The following TENM1 variants were observed in gnomAD, a reference collection of about 807,000 sequenced individuals.
TENM1 encodes teneurin transmembrane protein 1, also known as teneurin-1.
In TENM1, 35 loss-of-function variants were observed where a neutral mutation model predicts 174.8. That is an observed-to-expected ratio of 0.20 (90% CI 0.15 to 0.27). The LOEUF (loss-of-function observed/expected upper bound fraction) is 0.27. Ranked by LOEUF, TENM1 falls within the 10% of genes least tolerant of loss-of-function variation. The pLI, the probability that TENM1 is intolerant of heterozygous loss-of-function variation, is 1.00. For synonymous variants in TENM1, 781 were observed against 798.7 expected (o/e 0.98, Z 0.37); for missense variants, 1,633 against 2,130.1 (o/e 0.77, Z 4.59).
At chrX:124,630,453 G>A (rs904329700) in intron 11 of TENM1, among the ~76,000 whole-genome samples, 1 of 112,126 alleles carries the variant, frequency 8.9e-6, no homozygotes, top group African/African-American at 3.2e-5. Context: ...CCATACCTTA[G>A]TAGACTACAT....
At chrX:124,427,032 G>A (rs1290260989) in intron 23 of TENM1, among the ~76,000 whole-genome samples, 1 of 111,813 alleles carries the variant, frequency 8.9e-6, no homozygotes, top group East Asian at 2.8e-4. Flanking sequence ...CTGGTCCTAC[G>A]GAGCATAGTC....
intron 22 of TENM1, among the ~76,000 whole-genome samples, chrX:124,468,478 G>A (rs1481764891): frequency 3.6e-5 from 4 of 112,318 alleles, no homozygotes; most frequent in African/African-American, 9.7e-5. Flanking sequence ...GCCCGCGCCC[G>A]GCACATATCT....
chrX:124,673,566 G>A (rs191248052), intron 5 of TENM1, among the ~76,000 whole-genome samples: 1 of 111,733 alleles, frequency 8.9e-6, no homozygotes, highest in East Asian at 2.8e-4. Flanking sequence ...CAATTGGGAT[G>A]GCATTGCAAT....
intron 6 of TENM1, among the ~76,000 whole-genome samples, chrX:124,656,229 C>G (rs1363911657): frequency 8.9e-6 from 1 of 111,839 alleles, no homozygotes; most frequent in African/African-American, 3.2e-5. Flanking sequence ...ATATTAAAAC[C>G]TTACCAAATA....
intron 3 of TENM1, among the ~76,000 whole-genome samples, chrX:124,874,157 G>A (rs2057157592): frequency 1.8e-5 from 2 of 111,306 alleles, no homozygotes; most frequent in African/African-American, 6.5e-5. Context: ...GAAACTGCTG[G>A]ATCAAAGAAG....
chrX:124,857,881 A>G (rs1453066941), intron 3 of TENM1, among the ~76,000 whole-genome samples: 2 of 111,082 alleles, frequency 1.8e-5, no homozygotes, highest in Non-Finnish European at 3.8e-5. Flanking sequence ...ATACACATGC[A>G]CAAATATAGA....
At chrX:124,656,939 C>A (rs778953857) in intron 6 of TENM1, among the ~76,000 whole-genome samples, 90 of 109,927 alleles carry the variant, frequency 8.2e-4, no homozygotes, top group African/African-American at 2.7e-3. Flanking sequence ...TATTGTAAAA[C>A]CCTGTCTCCA....
the TENM1 span, among the ~76,000 whole-genome samples, chrX:125,004,912 C>G: frequency 6.6e-3 from 734 of 110,683 alleles, 2 homozygotes; most frequent in Non-Finnish European, 9.4e-3. Context: ...TGCTTTTACA[C>G]AAGAACGTTT....
At chrX:124,397,868 C>T (rs1231677113) in intron 27 of TENM1, among the ~76,000 whole-genome samples, 2 of 108,899 alleles carry the variant, frequency 1.8e-5, no homozygotes, top group Non-Finnish European at 3.8e-5. Flanking sequence ...CCTGGGATTA[C>T]AGGTGTGAGC....
chrX:125,182,930 T>G, the TENM1 span, among the ~76,000 whole-genome samples: 1 of 112,068 alleles, frequency 8.9e-6, no homozygotes, highest in African/African-American at 3.2e-5. Context: ...AAAAATCAAT[T>G]TAAAATAGAT....
chrX:125,138,848 G>T, the TENM1 span, among the ~76,000 whole-genome samples: 1 of 110,492 alleles, frequency 9.1e-6, no homozygotes, highest in African/African-American at 3.3e-5. Context: ...TGAATGGTAG[G>T]TGTGGGGACT....
intron 3 of TENM1, among the ~76,000 whole-genome samples, chrX:124,751,559 T>C (rs1457394196): frequency 1.8e-5 from 2 of 109,687 alleles, no homozygotes; most frequent in Non-Finnish European, 3.8e-5. Context: ...GTTACATATG[T>C]ATATATGTGC....
chrX:125,006,201 T>C, the TENM1 span, among the ~76,000 whole-genome samples: 2 of 111,900 alleles, frequency 1.8e-5, no homozygotes, highest in African/African-American at 6.5e-5. Flanking sequence ...ACCACCATTA[T>C]TGTAGCTTTA....
At chrX:124,973,593 G>GTAAT in the TENM1 span, among the ~76,000 whole-genome samples, 1 of 111,177 alleles carries the variant, frequency 9.0e-6, no homozygotes, top group Admixed American at 9.7e-5. Flanking sequence ...GCAGTGGTTT[G>GTAAT]TAATTCTCCT....
At position 124,727,301 on chromosome X, in the gene TENM1, G is replaced by C. The variant is rs774227606; in HGVS notation, c.776+9656C>G. ...AGATTCATTTTGGTAAATAGATCAT[G>C]ATTACTATCCATTATCATCATTCTG... On this transcript the variant is annotated intron_variant, in intron 4 of 31. Transcript: ENST00000422452. 1.6e-4 allele frequency among the ~76,000 whole-genome samples: 18 copies of C among 112,124 alleles called. No individual in the cohort carries two copies. The South Asian group carries it at 6.3e-3, about 39-fold the overall frequency.
At chrX:125,030,335 T>C in the TENM1 span, among the ~76,000 whole-genome samples, 1 of 112,155 alleles carries the variant, frequency 8.9e-6, no homozygotes, top group Non-Finnish European at 1.9e-5. Context: ...CTGTGCTCCA[T>C]AAATTTGTTT....
At chrX:124,535,076 ATC>A (rs1346251070) in intron 15 of TENM1, among the ~76,000 whole-genome samples, 1 of 111,721 alleles carries the variant, frequency 9.0e-6, no homozygotes, top group Non-Finnish European at 1.9e-5. Flanking sequence ...CTGTATGATA[ATC>A]TCTCTCTCTT....
chrX:125,037,929 C>T, the TENM1 span, among the ~76,000 whole-genome samples: 2 of 111,378 alleles, frequency 1.8e-5, no homozygotes, highest in African/African-American at 6.5e-5. Flanking sequence ...TGGGAAAGAA[C>T]TTTATCTGTT....
At chrX:124,381,384 T>G in intron 31 of TENM1, 90 bp from the exon 35 acceptor site, 8 of 878,605 alleles carry the variant, frequency 9.1e-6, no homozygotes, top group Non-Finnish European at 1.3e-5. Context: ...CTTGCAAGTT[T>G]GCTTCCTTCT....
Sources: allele counts gnomAD v4.1 joint callset (sites outside exome capture counted in the v4.1 genomes callset), GRCh38; gene constraint gnomAD v4.1.1; transcripts MANE v1.5; gene names NCBI Gene and HGNC (gene_info 2026-07-23, HGNC 2026-07-21).